MYO16: variants seen among roughly 807,000 people sequenced by gnomAD.
MYO16 encodes the protein myosin XVI, also known as unconventional myosin-XVI.
A neutral mutation model predicts 205.3 loss-of-function variants in MYO16; 94 were observed. The observed-to-expected ratio is 0.46, with a 90% CI of 0.39 to 0.54. The LOEUF is 0.54. Ranked by LOEUF, MYO16 falls within the 20% of genes least tolerant of loss-of-function variation. MYO16 has a pLI of 0.00. For missense variants in MYO16, 2,315 were observed against 2,387.5 expected (o/e 0.97, Z 0.63); for synonymous variants, 988 against 954.0 (o/e 1.04, Z -0.66).
intron 6 of MYO16, among the ~76,000 whole-genome samples, chr13:108,797,826 C>T (rs1016259644): frequency 2.1e-4 from 32 of 152,164 alleles, no homozygotes; most frequent in African/African-American, 7.5e-4. Context: ...AAACAAAATG[C>T]ATACTTCAAC....
chr13:109,099,428 G>A (rs1329934468), intron 27 of MYO16, among the ~76,000 whole-genome samples: 2 of 152,072 alleles, frequency 1.3e-5, no homozygotes, highest in Non-Finnish European at 2.9e-5. Context: ...TTTCAACAAT[G>A]CGAAAACCAC....
intron 31 of MYO16, among the ~76,000 whole-genome samples, chr13:109,129,668 C>T (rs145734769): frequency 3.9e-5 from 6 of 151,970 alleles, no homozygotes; most frequent in East Asian, 3.9e-4. Context: ...ATGCTAAGAC[C>T]GATAAGATGG....
At chr13:108,745,761 A>G (rs1885040639) in intron 4 of MYO16, among the ~76,000 whole-genome samples, 2 of 152,198 alleles carry the variant, frequency 1.3e-5, no homozygotes, top group African/African-American at 4.8e-5. Context: ...TAAAAGAACT[A>G]TTATTAATAT....
At chr13:109,045,949 G>C (rs1010475754) in intron 23 of MYO16, among the ~76,000 whole-genome samples, 4 of 151,598 alleles carry the variant, frequency 2.6e-5, no homozygotes, top group African/African-American at 9.7e-5. Context: ...TTATACTCCC[G>C]CATGGCCGAG....
chr13:108,730,906 T>C (rs1024099713), intron 4 of MYO16, among the ~76,000 whole-genome samples: 1 of 152,226 alleles, frequency 6.6e-6, no homozygotes, highest in Non-Finnish European at 1.5e-5. Flanking sequence ...TGCCCGCATT[T>C]ACTATTAAGA....
chr13:108,507,350 T>G, the MYO16 span, among the ~76,000 whole-genome samples: 1 of 152,132 alleles, frequency 6.6e-6, no homozygotes, highest in South Asian at 2.1e-4. Context: ...ATAGAAAGTT[T>G]TTATTTCTTC....
intron 1 of MYO16, among the ~76,000 whole-genome samples, chr13:108,641,290 A>T (rs1448869327): frequency 1.3e-5 from 2 of 152,214 alleles, no homozygotes. Context: ...GGGTTGAGAG[A>T]AGGATAACTA....
At chr13:109,030,753 C>G (rs927952612) in intron 23 of MYO16, among the ~76,000 whole-genome samples, 1 of 152,072 alleles carries the variant, frequency 6.6e-6, no homozygotes, top group South Asian at 2.1e-4. Flanking sequence ...ATCTTAAATT[C>G]AACAGAAGCA....
chr13:109,181,827 T>G lies in MYO16; in HGVS notation c.5415+2194T>G, dbSNP rs867738082. On this transcript the variant is annotated intron_variant, in intron 34 of 34. Coordinates refer to ENST00000457511, the MANE Select transcript of MYO16 (RefSeq NM_001198950.3). ...TTATTTATTTATTTATTTTATTTTATTTTTTTTTTTGAGACAGAGTTTAAC... is the reference window on the plus strand; with the variant it reads ...TTATTTATTTATTTATTTTATTTTAGTTTTTTTTTTGAGACAGAGTTTAAC... 9.2e-5 allele frequency among the ~76,000 whole-genome samples: 13 copies of G among 141,880 alleles called. No individual in the cohort carries two copies. The Middle Eastern group carries it at 0.014, about 158-fold the overall frequency. The allele number at this position is 141,880 out of a possible 152,430, so 93.1% of individuals were successfully genotyped here.
intron 7 of MYO16, among the ~76,000 whole-genome samples, chr13:108,808,440 T>C (rs1887182490): frequency 6.6e-6 from 1 of 151,878 alleles, no homozygotes; most frequent in Non-Finnish European, 1.5e-5. Flanking sequence ...GCCTCCCAAG[T>C]AGCTGGGACT....
intron 23 of MYO16, among the ~76,000 whole-genome samples, chr13:109,030,433 A>G (rs1365969658): frequency 4.6e-5 from 7 of 152,212 alleles, no homozygotes; most frequent in African/African-American, 1.7e-4. Context: ...TCAAGGGTTT[A>G]TCTCAAAACT....
chr13:108,926,384 G>A (rs1882006316), intron 16 of MYO16, among the ~76,000 whole-genome samples: 1 of 152,310 alleles, frequency 6.6e-6, no homozygotes. Context: ...CTGCTCTAAA[G>A]TTGCTTAAAG....
At chr13:109,158,442 T>C (rs1301704992) in intron 32 of MYO16, among the ~76,000 whole-genome samples, 1 of 152,202 alleles carries the variant, frequency 6.6e-6, no homozygotes, top group African/African-American at 2.4e-5. Context: ...ACATCCCTGA[T>C]GTTAACTTAT....
chr13:108,679,083 C>G (rs904510701), intron 2 of MYO16, among the ~76,000 whole-genome samples: 1 of 152,168 alleles, frequency 6.6e-6, no homozygotes, highest in Non-Finnish European at 1.5e-5. Context: ...AGAGACCCCA[C>G]CTCCTAGTAC....
intron 27 of MYO16, among the ~76,000 whole-genome samples, chr13:109,062,220 G>A (rs1887614671): frequency 6.6e-6 from 1 of 152,166 alleles, no homozygotes; most frequent in Admixed American, 6.5e-5. Context: ...CTTAAAAATT[G>A]AGTATAATTT....
intron 27 of MYO16, among the ~76,000 whole-genome samples, chr13:109,064,068 A>G (rs1887668961): frequency 6.6e-6 from 1 of 152,232 alleles, no homozygotes; most frequent in African/African-American, 2.4e-5. Context: ...ACCAGAGGTT[A>G]GAAAATGACA....
intron 34 of MYO16, among the ~76,000 whole-genome samples, chr13:109,182,159 G>T (rs1401220274): frequency 6.6e-6 from 1 of 152,088 alleles, no homozygotes; most frequent in Non-Finnish European, 1.5e-5. Context: ...AAAAATAAAA[G>T]TCTTCAGTAG....
In MYO16 at chr13:109,155,424, C is replaced by T. The variant is rs142152333; in HGVS notation, c.5165-9477C>T. 2.1e-3 allele frequency among the ~76,000 whole-genome samples: 316 copies of T among 152,264 alleles called. 2 individuals are homozygous for T. The highest frequency in any genetic ancestry group is 7.1e-3 in the African/African-American group (296 of 41,534). ...GTTATTAACAAGTAGGAAGGAATGT[C>T]GGGAGCCCAGCCCGAGACATTTAAA... On this transcript the variant is annotated intron_variant, in intron 32 of 34. Transcript: ENST00000457511.
intron 12 of MYO16, among the ~76,000 whole-genome samples, chr13:108,869,591 C>A (rs1878924047): frequency 6.7e-6 from 1 of 150,246 alleles, no homozygotes; most frequent in Non-Finnish European, 1.5e-5. Context: ...GTTAGCCGGG[C>A]GTCGTGGCGG....
Sources: gnomAD v4.1 joint callset for allele counts (sites outside exome capture counted in the v4.1 genomes callset) on GRCh38, gnomAD v4.1.1 for gene constraint, MANE v1.5 for transcripts, NCBI Gene and HGNC (gene_info 2026-07-23, HGNC 2026-07-21) for gene names.